The following TENM2 variants were observed in gnomAD, a reference collection of about 807,000 sequenced individuals.
The protein encoded by TENM2 is teneurin transmembrane protein 2.
Under a neutral mutation model 245.2 loss-of-function variants are expected in TENM2, and 52 were observed. The observed-to-expected ratio is 0.21, with a 90% CI of 0.17 to 0.27. The LOEUF (loss-of-function observed/expected upper bound fraction) is 0.27, where lower values mean the gene tolerates loss of function less well. TENM2 is among the 10% of genes least tolerant of loss of function. TENM2 has a pLI of 1.00. For synonymous variants in TENM2, 1,363 were observed against 1,438.9 expected (o/e 0.95, Z 1.19); for missense variants, 3,046 against 3,666.8 (o/e 0.83, Z 4.37).
chr5:167,067,136 G>C, the TENM2 span, among the ~76,000 whole-genome samples: 1 of 152,048 alleles, frequency 6.6e-6, no homozygotes, highest in Non-Finnish European at 1.5e-5. Flanking sequence ...AATTGGTCTC[G>C]TATTTATTCA....
chr5:168,029,387 G>A (rs1270069094), intron 5 of TENM2, among the ~76,000 whole-genome samples: 1 of 152,164 alleles, frequency 6.6e-6, no homozygotes. Context: ...GGTAGAACAA[G>A]CTGAACCCTA....
At position 167,840,728 on chromosome 5, in the gene TENM2, T is replaced by G. The variant is rs79623567; in HGVS notation, c.503-35258T>G. 9.9e-3 allele frequency among the ~76,000 whole-genome samples: 1,506 copies of G among 152,214 alleles called. 23 individuals are homozygous for G. The highest frequency in any genetic ancestry group is 0.033 in the African/African-American group (1,375 of 41,504). ...GAATAAAAGAAACATCAATAAAATA[T>G]ACCATGCACCATTAAGGACCACCTC... is the stretch of plus-strand genomic sequence containing the variant. On this transcript the variant is annotated intron_variant, in intron 2 of 28. Coordinates refer to ENST00000518659, the Ensembl canonical transcript of TENM2.
intron 28 of TENM2, among the ~76,000 whole-genome samples, chr5:168,261,838 C>T (rs1359882189): frequency 6.6e-6 from 1 of 152,162 alleles, no homozygotes. Context: ...ACCATCAGAG[C>T]ATTAGTAATC....
intron 2 of TENM2, among the ~76,000 whole-genome samples, chr5:167,425,229 C>T (rs766916842): frequency 1.7e-4 from 26 of 152,166 alleles, no homozygotes; most frequent in Non-Finnish European, 3.1e-4. Flanking sequence ...CTGCAATTCT[C>T]GTGACTGATA....
chr5:167,067,891 T>C, the TENM2 span, among the ~76,000 whole-genome samples: 86 of 152,286 alleles, frequency 5.6e-4, no homozygotes, highest in African/African-American at 2.0e-3. Flanking sequence ...GAATTTCAAA[T>C]AGCATTTGTG....
chr5:167,783,864 TC>T (rs1764378569), intron 2 of TENM2, among the ~76,000 whole-genome samples: 1 of 151,594 alleles, frequency 6.6e-6, no homozygotes, highest in African/African-American at 2.4e-5. Flanking sequence ...TGGCAAGAAG[TC>T]CCCCGGGGGG....
intron 2 of TENM2, among the ~76,000 whole-genome samples, chr5:167,503,098 A>G (rs1769313908): frequency 6.6e-6 from 1 of 152,192 alleles, no homozygotes; most frequent in Non-Finnish European, 1.5e-5. Flanking sequence ...AAGTGCTGGG[A>G]TTACGGGCAT....
At chr5:167,349,605 TAC>T (rs1214826122) in intron 1 of TENM2, among the ~76,000 whole-genome samples, 1 of 152,170 alleles carries the variant, frequency 6.6e-6, no homozygotes, top group East Asian at 1.9e-4. Context: ...TTACTATATA[TAC>T]ACACACATAT....
intron 2 of TENM2, among the ~76,000 whole-genome samples, chr5:167,791,697 C>G (rs1336501056): frequency 6.6e-6 from 1 of 151,816 alleles, no homozygotes; most frequent in Non-Finnish European, 1.5e-5. Context: ...CCTCTCTGAT[C>G]ATTTAATGAA....
intron 2 of TENM2, among the ~76,000 whole-genome samples, chr5:167,549,486 ATATT>A (rs569621684): frequency 7.2e-4 from 109 of 152,330 alleles, no homozygotes; most frequent in African/African-American, 2.5e-3. Flanking sequence ...TATAAATCAG[ATATT>A]TATACATCTT....
the TENM2 span, among the ~76,000 whole-genome samples, chr5:167,001,360 A>G: frequency 6.6e-6 from 1 of 152,098 alleles, no homozygotes; most frequent in Admixed American, 6.5e-5. Flanking sequence ...TTCATATTTC[A>G]TGTTTCTTAT....
At chr5:167,445,160 T>G (rs1765085695) in intron 2 of TENM2, among the ~76,000 whole-genome samples, 1 of 151,950 alleles carries the variant, frequency 6.6e-6, no homozygotes, top group Non-Finnish European at 1.5e-5. Context: ...TTGATATCCC[T>G]ACATTTCCCC....
the TENM2 span, among the ~76,000 whole-genome samples, chr5:167,242,926 G>A: frequency 6.6e-6 from 1 of 152,014 alleles, no homozygotes; most frequent in Non-Finnish European, 1.5e-5. Flanking sequence ...CACAGAATAG[G>A]AGGCCAAAAA....
chr5:167,815,676 C>G (rs1583080549), intron 2 of TENM2, among the ~76,000 whole-genome samples: 2 of 152,264 alleles, frequency 1.3e-5, no homozygotes, highest in Admixed American at 1.3e-4. Context: ...CAGTGACTGT[C>G]CTCCCTAGCA....
intron 2 of TENM2, among the ~76,000 whole-genome samples, chr5:167,430,554 T>G (rs1246620981): frequency 2.6e-5 from 4 of 152,140 alleles, no homozygotes; most frequent in Non-Finnish European, 5.9e-5. Context: ...TGTCTGTTAA[T>G]TTTAGCTATT....
intron 9 of TENM2, among the ~76,000 whole-genome samples, chr5:168,108,279 C>T (rs1208119455): frequency 4.6e-5 from 7 of 152,238 alleles, no homozygotes; most frequent in African/African-American, 9.6e-5. Flanking sequence ...CCACAATTTA[C>T]GTGCATTATG....
At chr5:167,071,116 T>A in the TENM2 span, among the ~76,000 whole-genome samples, 1 of 152,126 alleles carries the variant, frequency 6.6e-6, no homozygotes, top group African/African-American at 2.4e-5. Context: ...CTTCTATTTG[T>A]CAGGCATAAT....
chr5:167,709,862 A>T (rs988203707), intron 2 of TENM2, among the ~76,000 whole-genome samples: 1 of 152,208 alleles, frequency 6.6e-6, no homozygotes, highest in Admixed American at 6.5e-5. Flanking sequence ...AGAAAGAGAG[A>T]GAGGGGGAGA....
At chr5:167,263,305 C>T in the TENM2 span, among the ~76,000 whole-genome samples, 4 of 152,050 alleles carry the variant, frequency 2.6e-5, no homozygotes, top group South Asian at 2.1e-4. Context: ...TCTCATTTCA[C>T]GGAGGAGTAA....
Sources: gnomAD v4.1 joint callset for allele counts (sites outside exome capture counted in the v4.1 genomes callset) on GRCh38, gnomAD v4.1.1 for gene constraint, MANE v1.5 for transcripts, NCBI Gene and HGNC (gene_info 2026-07-23, HGNC 2026-07-21) for gene names.